SPAG16: variants seen among roughly 807,000 people sequenced by gnomAD.
The protein encoded by SPAG16 is sperm associated antigen 16, also known as sperm-associated antigen 16 protein.
A neutral mutation model predicts 80.4 loss-of-function variants in SPAG16; 86 were observed. That is an observed-to-expected ratio of 1.07 (90% CI 0.90 to 1.28). SPAG16 has a LOEUF of 1.28. Ranked by LOEUF, SPAG16 falls within the 50% of genes most tolerant of loss-of-function variation. The pLI is 0.00. For synonymous variants in SPAG16, 294 were observed against 265.9 expected (o/e 1.11, Z -1.03); for missense variants, 870 against 765.3 (o/e 1.14, Z -1.61).
intron 15 of SPAG16, among the ~76,000 whole-genome samples, chr2:214,344,112 T>C (rs1257087268): frequency 6.6e-6 from 1 of 152,192 alleles, no homozygotes; most frequent in Admixed American, 6.5e-5. Flanking sequence ...AAAATGCTGT[T>C]CTATATTCAA....
At chr2:214,005,557 A>C (rs1181012532) in intron 12 of SPAG16, among the ~76,000 whole-genome samples, 2 of 152,186 alleles carry the variant, frequency 1.3e-5, no homozygotes, top group Non-Finnish European at 2.9e-5. Flanking sequence ...TTTCATACAG[A>C]CACAGACTGT....
chr2:213,343,537 C>T (rs2064806169), intron 6 of SPAG16, among the ~76,000 whole-genome samples: 1 of 151,800 alleles, frequency 6.6e-6, no homozygotes, highest in South Asian at 2.1e-4. Context: ...CAGGAAAAAG[C>T]AGAACCAGAC....
chr2:213,796,420 T>C (rs963072876), intron 10 of SPAG16, among the ~76,000 whole-genome samples: 3 of 152,234 alleles, frequency 2.0e-5, no homozygotes, highest in African/African-American at 7.2e-5. Context: ...AATTATTTCA[T>C]TGAGCATAAC....
At chr2:213,718,149 C>CAAAAAA (rs71063769) in intron 10 of SPAG16, among the ~76,000 whole-genome samples, 8 of 92,232 alleles carry the variant, frequency 8.7e-5, no homozygotes, top group East Asian at 3.8e-4. Flanking sequence ...AACAAGTTTA[C>CAAAAAA]AAAAAAAAAA....
chr2:213,595,087 A>C (rs904143990), intron 10 of SPAG16, among the ~76,000 whole-genome samples: 2 of 151,940 alleles, frequency 1.3e-5, no homozygotes, highest in Non-Finnish European at 1.5e-5. Context: ...GGTATACTAG[A>C]TAAGCTTTCT....
Position 214,190,126 on chromosome 2 carries a change from C to G in SPAG16, c.1720+40860C>G, listed in dbSNP as rs75502704. Among the ~76,000 whole-genome samples the G allele has an allele frequency of 5.7e-3, 862 of 152,086 alleles. 6 individuals carry two copies. Among genetic ancestry groups the G allele is most frequent in the East Asian group, 0.033 (171 of 5,150 alleles). ...CATATGTAGCCACACACCTGTCACT[C>G]TCTACACAGTCATACTACAATGTTA... On this transcript the variant is annotated intron_variant, in intron 15 of 15. Coordinates refer to ENST00000331683, the MANE Select transcript of SPAG16 (RefSeq NM_024532.5).
At chr2:213,412,288 G>C (rs892878724) in intron 9 of SPAG16, among the ~76,000 whole-genome samples, 1 of 152,102 alleles carries the variant, frequency 6.6e-6, no homozygotes, top group East Asian at 1.9e-4. Context: ...TCTAACCCTA[G>C]CCAATAGGGG....
chr2:214,073,526 C>T (rs1295653449), intron 13 of SPAG16, among the ~76,000 whole-genome samples: 7 of 152,054 alleles, frequency 4.6e-5, no homozygotes, highest in African/African-American at 1.4e-4. Flanking sequence ...TGAGCCACCA[C>T]GCCCGGCCGG....
At chr2:214,182,553 G>A (rs1253418023) in intron 15 of SPAG16, among the ~76,000 whole-genome samples, 1 of 151,828 alleles carries the variant, frequency 6.6e-6, no homozygotes, top group Non-Finnish European at 1.5e-5. Flanking sequence ...GGGATGAAAA[G>A]GACTGCAAAT....
intron 10 of SPAG16, among the ~76,000 whole-genome samples, chr2:213,560,771 T>G (rs2125981391): frequency 6.6e-6 from 1 of 152,340 alleles, no homozygotes; most frequent in African/African-American, 2.4e-5. Context: ...TTTTATAAAT[T>G]TAGTTAGTAA....
intron 10 of SPAG16, among the ~76,000 whole-genome samples, chr2:213,678,161 A>T (rs2064190892): frequency 6.6e-6 from 1 of 152,184 alleles, no homozygotes; most frequent in Admixed American, 6.6e-5. Context: ...CCACAAGAGA[A>T]AGCAGGAAAG....
chr2:213,935,782 A>G (rs1294665515), intron 12 of SPAG16, among the ~76,000 whole-genome samples: 1 of 152,134 alleles, frequency 6.6e-6, no homozygotes, highest in African/African-American at 2.4e-5. Flanking sequence ...CACATGGTTG[A>G]CCTCACAGGT....
chr2:213,451,630 T>C (rs575491904), intron 9 of SPAG16, among the ~76,000 whole-genome samples: 1 of 152,288 alleles, frequency 6.6e-6, no homozygotes, highest in South Asian at 2.1e-4. Flanking sequence ...AGAACAGCTC[T>C]CTGTCACAGA....
At chr2:213,324,483 G>C (rs2063760950) in intron 5 of SPAG16, among the ~76,000 whole-genome samples, 3 of 152,104 alleles carry the variant, frequency 2.0e-5, no homozygotes, top group South Asian at 4.1e-4. Context: ...GATTAGTTTT[G>C]TTTGAGAATT....
intron 10 of SPAG16, among the ~76,000 whole-genome samples, chr2:213,725,302 G>T (rs1405269009): frequency 6.6e-6 from 1 of 152,172 alleles, no homozygotes; most frequent in Admixed American, 6.5e-5. Flanking sequence ...GGTATTACAG[G>T]CATGAACCAC....
chr2:213,900,159 C>G (rs2077160416), intron 11 of SPAG16, among the ~76,000 whole-genome samples: 1 of 152,114 alleles, frequency 6.6e-6, no homozygotes, highest in South Asian at 2.1e-4. Context: ...AATGGGTACA[C>G]TGACAAATTT....
chr2:213,284,797 T>C lies in SPAG16; in HGVS notation c.136+178T>C, dbSNP rs552064699. The C allele has an allele frequency of 4.7e-4, 430 of 922,868 alleles. 4 individuals are homozygous for C. In the South Asian group the frequency reaches 4.7e-3, roughly 10 times the overall value. The allele number at this position is 922,868 out of a possible 1,614,324, so 57.2% of individuals were successfully genotyped here. A position where few individuals can be genotyped will look rare whatever the true frequency, so the allele number is the denominator to read the frequency against. On this transcript the variant is annotated intron_variant, in intron 1 of 15. Coordinates refer to ENST00000331683, the MANE Select transcript of SPAG16 (RefSeq NM_024532.5). Reference sequence around the variant, plus strand: ...GTCTTCCTGAGAGCCACTCACTGAATTTCTCGCCCTTAGTAGCCCAGGGTG... The same window carrying C: ...GTCTTCCTGAGAGCCACTCACTGAACTTCTCGCCCTTAGTAGCCCAGGGTG...
chr2:213,939,813 T>C (rs2079125794), intron 12 of SPAG16, among the ~76,000 whole-genome samples: 1 of 152,158 alleles, frequency 6.6e-6, no homozygotes, highest in African/African-American at 2.4e-5. Flanking sequence ...ATTCAAGCAA[T>C]AACAAATAGA....
intron 15 of SPAG16, among the ~76,000 whole-genome samples, chr2:214,252,459 C>T (rs545612317): frequency 1.2e-4 from 18 of 151,202 alleles, no homozygotes; most frequent in East Asian, 2.0e-4. Flanking sequence ...CCCCACCCCA[C>T]GACAGACCAC....
Sources: gnomAD v4.1 joint callset for allele counts (sites outside exome capture counted in the v4.1 genomes callset) on GRCh38, gnomAD v4.1.1 for gene constraint, MANE v1.5 for transcripts, NCBI Gene and HGNC (gene_info 2026-07-23, HGNC 2026-07-21) for gene names.